PRKAR1A: variants seen among roughly 807,000 people sequenced by gnomAD.
The protein encoded by PRKAR1A is protein kinase cAMP-dependent type I regulatory subunit alpha.
In PRKAR1A, 3 loss-of-function variants were observed where a neutral mutation model predicts 52.0. The ratio of observed to expected loss-of-function variants is 0.06; its 90% CI spans 0.03 to 0.15. The LOEUF is 0.15. Among genes scored for constraint, PRKAR1A ranks in the 10% least tolerant of loss-of-function variants. The pLI, the probability that PRKAR1A is intolerant of heterozygous loss-of-function variation, is 1.00. For missense variants in PRKAR1A, 240 were observed against 477.4 expected (o/e 0.50, Z 4.63); for synonymous variants, 188 against 168.4 (o/e 1.12, Z -0.90).
chr17:68,448,961 G>T, the PRKAR1A span, among the ~76,000 whole-genome samples: 2 of 152,076 alleles, frequency 1.3e-5, no homozygotes, highest in Non-Finnish European at 2.9e-5. Context: ...TCTTTCTCCA[G>T]CTATTTTTCA....
chr17:68,483,348 G>T, the PRKAR1A span, among the ~76,000 whole-genome samples: 2 of 152,060 alleles, frequency 1.3e-5, no homozygotes, highest in African/African-American at 2.4e-5. Flanking sequence ...GGGCATGGTG[G>T]CCAGCCCCTG....
the PRKAR1A span, among the ~76,000 whole-genome samples, chr17:68,489,207 T>G: frequency 5.0e-5 from 2 of 40,208 alleles, no homozygotes; most frequent in African/African-American, 1.0e-4. Context: ...TATATATATA[T>G]ATATATATAT....
chr17:68,520,600 G>A (rs2085574818), intron 2 of PRKAR1A, among the ~76,000 whole-genome samples: 1 of 152,136 alleles, frequency 6.6e-6, no homozygotes, highest in African/African-American at 2.4e-5. Context: ...GAAGGAGACT[G>A]ACAGAAGGAT....
chr17:68,486,694 G>C, the PRKAR1A span, among the ~76,000 whole-genome samples: 1 of 151,104 alleles, frequency 6.6e-6, no homozygotes, highest in Non-Finnish European at 1.5e-5. Context: ...ATTGTAGAAA[G>C]TGAAAATATA....
chr17:68,489,998 T>C, the PRKAR1A span, among the ~76,000 whole-genome samples: 1 of 152,244 alleles, frequency 6.6e-6, no homozygotes, highest in East Asian at 1.9e-4. Context: ...TTTGCCCTGA[T>C]TACTCAACAG....
the PRKAR1A span, among the ~76,000 whole-genome samples, chr17:68,494,016 T>C: frequency 3.3e-5 from 5 of 152,230 alleles, no homozygotes; most frequent in Non-Finnish European, 5.9e-5. Context: ...TTCACAACGT[T>C]GTGAATAGTT....
intron 11 of PRKAR1A, chr17:68,539,464 C>G: frequency 7.2e-7 from 1 of 1,386,916 alleles, no homozygotes. Flanking sequence ...GGCTTCCTCT[C>G]TCCTCTCAGC....
intron 1 of PRKAR1A, chr17:68,515,084 C>T (rs182254119): frequency 2.9e-5 from 11 of 374,480 alleles, no homozygotes; most frequent in Middle Eastern, 8.3e-4. Flanking sequence ...ATGAAATTCC[C>T]TTAAGGGCCT....
chr17:68,514,282 A>C (rs536925580), intron 1 of PRKAR1A, among the ~76,000 whole-genome samples: 98 of 152,318 alleles, frequency 6.4e-4, no homozygotes, highest in African/African-American at 2.1e-3. Context: ...AGTTCTTTTA[A>C]ATTTACAGTT....
chr17:68,480,609 G>A, the PRKAR1A span, among the ~76,000 whole-genome samples: 1 of 152,166 alleles, frequency 6.6e-6, no homozygotes, highest in East Asian at 1.9e-4. Flanking sequence ...GTGCAGTGGT[G>A]CAATCATGGC....
At chr17:68,540,480 T>C (rs1044663095) in intron 11 of PRKAR1A, 1 of 470,494 alleles carries the variant, frequency 2.1e-6, no homozygotes, top group Non-Finnish European at 4.2e-6. Context: ...ATTACTAGTC[T>C]TGTGTGTCCG....
At chr17:68,424,081 G>T in the PRKAR1A span, among the ~76,000 whole-genome samples, 1 of 152,172 alleles carries the variant, frequency 6.6e-6, no homozygotes, top group Non-Finnish European at 1.5e-5. Context: ...GGGTGCAGAA[G>T]AACGCCCTTT....
At chr17:68,462,624 A>G in the PRKAR1A span, among the ~76,000 whole-genome samples, 1 of 152,208 alleles carries the variant, frequency 6.6e-6, no homozygotes, top group Non-Finnish European at 1.5e-5. Context: ...ACTGTCGAGT[A>G]AGTTGCCAAA....
chr17:68,525,120 T>C (rs1475197409), intron 6 of PRKAR1A, among the ~76,000 whole-genome samples, 162 bp downstream of exon 6: 2 of 152,116 alleles, frequency 1.3e-5, no homozygotes, highest in East Asian at 1.9e-4. Flanking sequence ...AGAAACTCTT[T>C]AAAGGTAATT....
chr17:68,430,540 A>G, the PRKAR1A span, among the ~76,000 whole-genome samples: 2 of 152,180 alleles, frequency 1.3e-5, no homozygotes, highest in Non-Finnish European at 2.9e-5. Flanking sequence ...TGCCGGGCTC[A>G]TGGAAGAACA....
At chr17:68,428,898 C>A in the PRKAR1A span, 145 of 1,614,160 alleles carry the variant, frequency 9.0e-5, no homozygotes, top group Admixed American at 8.3e-4. Context: ...AAGGTGTCCA[C>A]TGGATGACGC....
At chr17:68,426,843 AT>A in the PRKAR1A span, among the ~76,000 whole-genome samples, 1 of 152,174 alleles carries the variant, frequency 6.6e-6, no homozygotes, top group Non-Finnish European at 1.5e-5. Context: ...CCTCATTGGA[AT>A]TTTTGAAGAG....
At chr17:68,527,687 A>G (rs2085833619) in intron 7 of PRKAR1A, 153 bp from the exon 8 acceptor site, 9 of 622,512 alleles carry the variant, frequency 1.4e-5, no homozygotes. Context: ...ATAAAAATGA[A>G]TTAGTTAAAA....
chr17:68,478,993 G>A, the PRKAR1A span, among the ~76,000 whole-genome samples: 1 of 152,184 alleles, frequency 6.6e-6, no homozygotes, highest in East Asian at 1.9e-4. Context: ...CTCCCAAAGT[G>A]CTGGGATTAC....
Sources: allele counts gnomAD v4.1 joint callset (sites outside exome capture counted in the v4.1 genomes callset), GRCh38; gene constraint gnomAD v4.1.1; transcripts MANE v1.5; gene names NCBI Gene and HGNC (gene_info 2026-07-23, HGNC 2026-07-21).